The following PLEKHG6 variants were observed in gnomAD, a reference collection of about 807,000 sequenced individuals.
PLEKHG6 encodes the protein pleckstrin homology and RhoGEF domain containing G6.
In PLEKHG6, 91 loss-of-function variants were observed where a neutral mutation model predicts 97.5. The ratio of observed to expected loss-of-function variants is 0.93; its 90% CI spans 0.79 to 1.11. The LOEUF (loss-of-function observed/expected upper bound fraction) is 1.11. PLEKHG6 is among the 50% of genes most tolerant of loss of function. The pLI is 0.00. For synonymous variants in PLEKHG6, 466 were observed against 425.5 expected (o/e 1.10, Z -1.17); for missense variants, 1,044 against 1,031.0 (o/e 1.01, Z -0.17).
rs564002569 is a variant in PLEKHG6 at position 6,317,084 on chromosome 12, G to T, written c.757-219G>T. Among the ~76,000 whole-genome samples, 90 of 152,328 alleles carry T rather than the reference G, an allele frequency of 5.9e-4. 2 individuals carry two copies. The South Asian group carries it at 0.014, about 24-fold the overall frequency. On this transcript the variant is annotated intron_variant, in intron 7 of 15. Coordinates refer to ENST00000684764, the MANE Select transcript of PLEKHG6 (RefSeq NM_001384598.1). ...GATAGAGGGAGCTCAGAGAGCTCTG[G>T]GTCAGTGTCGGGACCTCAGGCTCCT... is the stretch of plus-strand genomic sequence containing the variant.
chr12:6,319,423 G>A (rs1318126958), intron 13 of PLEKHG6: 10 of 1,025,870 alleles, frequency 9.7e-6, no homozygotes, highest in Non-Finnish European at 1.4e-5. Flanking sequence ...ACTCTAGCCT[G>A]GGTGACAGAG....
At chr12:6,313,851 C>T in intron 3 of PLEKHG6, 67 bp downstream of exon 3, 1 of 1,431,084 alleles carries the variant, frequency 7.0e-7, no homozygotes, top group East Asian at 2.4e-5. Flanking sequence ...CGCAGATGAC[C>T]AGCAAGCTCC....
intron 14 of PLEKHG6, among the ~76,000 whole-genome samples, chr12:6,327,038 A>G (rs1325290459): frequency 6.6e-6 from 1 of 152,192 alleles, no homozygotes; most frequent in African/African-American, 2.4e-5. Context: ...AAGATCCTGG[A>G]CCAGATGCTA....
chr12:6,326,590 C>T lies in PLEKHG6; in HGVS notation c.1670+17C>T, dbSNP rs752137069. ...AGAGGGGAGGTAAGGCTCACACGGA[C>T]TACAAGGTCTCCCCGAGCAGGAGGA... On this transcript the variant is annotated intron_variant, in intron 14 of 15. Transcript: ENST00000684764. The T allele has an allele frequency of 4.1e-6, 6 of 1,447,168 alleles. No homozygotes were observed. Among genetic ancestry groups the T allele is most frequent in the Non-Finnish European group, 5.5e-6 (6 of 1,097,880 alleles). 89.6% of individuals were successfully genotyped at this position (1,447,168 alleles called of 1,614,324 possible).
chr12:6,314,409 A>G (rs1947380024), intron 3 of PLEKHG6, among the ~76,000 whole-genome samples: 1 of 152,136 alleles, frequency 6.6e-6, no homozygotes, highest in African/African-American at 2.4e-5. Flanking sequence ...AAGGAGGCTG[A>G]AGCAGGAGAA....
rs1270733121 is a variant in PLEKHG6, at chr12:6,313,677, T to A, written c.187T>A (p.Ser63Thr). The A allele has an allele frequency of 5.6e-6, 9 of 1,613,930 alleles. No homozygotes were observed. Among genetic ancestry groups the A allele is most frequent in the Non-Finnish European group, 7.6e-6 (9 of 1,179,994 alleles). Residue 63 changes from serine (S) to threonine (T), a missense_variant, in exon 3 of 16, where the codon TCT becomes ACT. Transcript: ENST00000684764. ...GCAGTATGTCCCCTTTGCCAGGGGT[T>A]CTGGCCAGGCCCGAGGCCTGTCACC... is the stretch of plus-strand genomic sequence containing the variant. ...LQQYVPFARG[S>T]GQARGLSPMR...
Position 6,316,433 on chromosome 12 carries a change from T to C in PLEKHG6, c.756+29T>C. 1 of 1,552,120 alleles carries C rather than the reference T, an allele frequency of 6.4e-7. No individual in the cohort carries two copies. Among genetic ancestry groups the C allele is most frequent in the Admixed American group, 1.9e-5 (1 of 51,344 alleles). ...AGGCCTGTGAAGGGCTGTGTCTGGA[T>C]GGGGCAGGACTCGGAGCCCTCGGGG... On this transcript the variant is annotated intron_variant, in intron 7 of 15. Coordinates refer to ENST00000684764, the MANE Select transcript of PLEKHG6 (RefSeq NM_001384598.1). The surrounding 1 kb of genome is among the most constrained non-coding windows in gnomAD (Gnocchi z 4.1).
chr12:6,327,645 G>T lies in PLEKHG6; in HGVS notation c.2062G>T (p.Ala688Ser). ...TGTGGTGGTGGAAACACTCCACAGG[G>T]CCCGGCTTCGGGGCCAGCTTCCCTC... The part of the protein sequence containing the change: ...GNVVVETLHR[A>S]RLRGQLPSSP... The change falls in exon 15 of 16, where the codon GCC (alanine) becomes TCC (serine). Residue 688 changes from alanine to serine, a missense_variant. Physicochemically the swap from Ala to Ser is moderately conservative, Grantham distance 99 (BLOSUM62 1). Coordinates refer to ENST00000684764, the MANE Select transcript of PLEKHG6 (RefSeq NM_001384598.1). 1.3e-6 allele frequency: 2 copies of T among 1,560,494 alleles called. No homozygotes were observed. The highest frequency in any genetic ancestry group is 1.7e-6 in the Non-Finnish European group (2 of 1,148,636).
chr12:6,319,559 G>A (rs1285362204), intron 13 of PLEKHG6: 1 of 1,534,388 alleles, frequency 6.5e-7, no homozygotes, highest in East Asian at 2.4e-5. Flanking sequence ...TGGACAATCT[G>A]ATGTGCCCCA....
At position 6,315,314 on chromosome 12, in the gene PLEKHG6, C is replaced by A. The variant is rs568474518; in HGVS notation, c.459+145C>A. 1.6e-5 allele frequency: 14 copies of A among 896,158 alleles called. No homozygotes were observed. Among genetic ancestry groups the A allele is most frequent in the Non-Finnish European group, 2.2e-5 (13 of 596,094 alleles). 55.5% of individuals were successfully genotyped at this position (896,158 alleles called of 1,614,324 possible). A position where few individuals can be genotyped will look rare whatever the true frequency, so the allele number is the denominator to read the frequency against. Reference sequence around the variant, plus strand: ...GCGTTGATCTGGGTTCAGATCCCAGCTCTGCCACTTACTAGTCAGACCTTG... The same window carrying A: ...GCGTTGATCTGGGTTCAGATCCCAGATCTGCCACTTACTAGTCAGACCTTG... On this transcript the variant is annotated intron_variant, in intron 4 of 15. Coordinates refer to ENST00000684764, the MANE Select transcript of PLEKHG6 (RefSeq NM_001384598.1). This position sits in a 1 kb window ranked among gnomAD's most constrained non-coding sequence, Gnocchi z 4.5.
At chr12:6,324,296 C>CA (rs1555105532) in intron 13 of PLEKHG6, among the ~76,000 whole-genome samples, 1 of 98,184 alleles carries the variant, frequency 1.0e-5, no homozygotes, top group African/African-American at 3.6e-5. Flanking sequence ...CCCCCCTCCC[C>CA]CCCCCGCCGC....
intron 1 of PLEKHG6, 32 bp from the exon 2 acceptor site, chr12:6,312,127 T>C: frequency 9.4e-7 from 1 of 1,064,654 alleles, no homozygotes. Flanking sequence ...TGATTGGGGA[T>C]GGCCCTTCCA....
intron 8 of PLEKHG6, 35 bp from the exon 9 acceptor site, chr12:6,317,512 G>A (rs747988545): frequency 2.0e-5 from 33 of 1,612,188 alleles, no homozygotes; most frequent in Non-Finnish European, 1.8e-5. Context: ...GGGCAGGAGG[G>A]AGCAAACCCT....
chr12:6,324,264 C>A (rs1260523980), intron 13 of PLEKHG6, among the ~76,000 whole-genome samples: 3 of 145,024 alleles, frequency 2.1e-5, no homozygotes, highest in Middle Eastern at 3.3e-3. Context: ...ACCCCCTACC[C>A]CGTACTCGGG....
Position 6,328,297 on chromosome 12 carries a change from G to A in PLEKHG6, c.*152G>A. The stretch of plus-strand genomic sequence containing the variant: ...CACCCTGCCTCCTGCTCTGTTTGGG[G>A]ATCAAGAACTGTAAATTTATGTATC... On this transcript the variant is annotated 3_prime_UTR_variant, in exon 16 of 16. Transcript: ENST00000684764. 1.5e-6 allele frequency: 1 copy of A among 683,082 alleles called. No individual in the cohort carries two copies. Among genetic ancestry groups the A allele is most frequent in the Middle Eastern group, 2.4e-4 (1 of 4,118 alleles). 42.3% of individuals were successfully genotyped at this position (683,082 alleles called of 1,614,324 possible).
rs1381468708 is a variant in PLEKHG6 at position 6,328,294 on chromosome 12, G to A, written c.*149G>A. ...AGGCACCCTGCCTCCTGCTCTGTTT[G>A]GGGATCAAGAACTGTAAATTTATGT... On this transcript the variant is annotated 3_prime_UTR_variant, in exon 16 of 16. Coordinates refer to ENST00000684764, the MANE Select transcript of PLEKHG6 (RefSeq NM_001384598.1). The A allele has an allele frequency of 3.1e-5, 22 of 716,306 alleles. No homozygotes were observed. Among genetic ancestry groups the A allele is most frequent in the Non-Finnish European group, 5.3e-5 (22 of 416,066 alleles). 44.4% of individuals were successfully genotyped at this position (716,306 alleles called of 1,614,324 possible).
In PLEKHG6 at chr12:6,318,741, C is replaced by T. The variant is rs761696024; in HGVS notation, c.1276-4C>T. 1 of 1,613,624 alleles carries T rather than the reference C, an allele frequency of 6.2e-7. No homozygotes were observed. The highest frequency in any genetic ancestry group is 1.3e-5 in the African/African-American group (1 of 74,908). Reference sequence around the variant, plus strand: ...GTCTCTTTCCCCTACGCCCCCACCCCCAGCTGGACGTGTACCTGTTCCTCT... The same window carrying T: ...GTCTCTTTCCCCTACGCCCCCACCCTCAGCTGGACGTGTACCTGTTCCTCT... On this transcript the variant is annotated splice_polypyrimidine_tract_variant and splice_region_variant and intron_variant, in intron 11 of 15. Coordinates refer to ENST00000684764, the MANE Select transcript of PLEKHG6 (RefSeq NM_001384598.1).
At chr12:6,314,738 C>T (rs1015835109) in intron 3 of PLEKHG6, among the ~76,000 whole-genome samples, 5 of 152,116 alleles carry the variant, frequency 3.3e-5, no homozygotes, top group African/African-American at 1.2e-4. Flanking sequence ...GATCAGACCC[C>T]TCTCCAGGGA....
intron 2 of PLEKHG6, chr12:6,313,043 A>T: frequency 6.6e-7 from 1 of 1,506,104 alleles, no homozygotes; most frequent in Non-Finnish European, 9.0e-7. Flanking sequence ...GGGGTAATTC[A>T]GGCCACAGGC....
Sources: allele counts gnomAD v4.1 joint callset (sites outside exome capture counted in the v4.1 genomes callset), GRCh38; gene constraint gnomAD v4.1.1; non-coding constraint Gnocchi (gnomAD v3.1); transcripts MANE v1.5; gene names NCBI Gene and HGNC (gene_info 2026-07-23, HGNC 2026-07-21).